Variants in ELL observed in about 807,000 individuals in gnomAD.
The protein encoded by ELL is RNA polymerase II elongation factor ELL.
A neutral mutation model predicts 64.0 loss-of-function variants in ELL; 18 were observed. That is an observed-to-expected ratio of 0.28 (90% CI 0.19 to 0.42). ELL has a LOEUF of 0.42. Among genes scored for constraint, ELL ranks in the 10% least tolerant of loss-of-function variants. The probability of loss-of-function intolerance (pLI) is 1.00; values close to 1 mark genes in which losing one functional copy is unlikely to be tolerated. For synonymous variants in ELL, 399 were observed against 376.2 expected, an observed-to-expected ratio of 1.06 and a Z score of -0.70; for missense variants, 797 against 870.4, an observed-to-expected ratio of 0.92 and a Z score of 1.06.
rs779903495 is a variant in ELL, at chr19:18,465,874, C to T, written c.228G>A (p.Thr76=). 3.1e-5 allele frequency: 41 copies of T among 1,333,566 alleles called. No individual in the cohort carries two copies. In the Middle Eastern group the frequency reaches 6.1e-4, roughly 20 times the overall value. 82.6% of individuals were successfully genotyped at this position (1,333,566 alleles called of 1,614,324 possible). Reference sequence around the variant, plus strand: ...CGATGTTGGAGAGGTAGAAGGAGAACGTCCGCGCCTCTGCGGGGCAGTCAG... The same window carrying T: ...CGATGTTGGAGAGGTAGAAGGAGAATGTCCGCGCCTCTGCGGGGCAGTCAG... ...PQPDCPAEAR[T]FSFYLSNIGR... is the part of the protein sequence containing the mutation. Residue 76 remains threonine, a synonymous_variant, in exon 3 of 12, where the codon ACG becomes ACA. Coordinates refer to ENST00000262809, the MANE Select transcript of ELL (RefSeq NM_006532.4).
At position 18,450,596 on chromosome 19, in the gene ELL, T is replaced by C. The variant is rs1392921634; in HGVS notation, c.1346A>G (p.Lys449Arg). Residue 449 changes from lysine (K) to arginine (R), a missense_variant, in exon 8 of 12, where the codon AAG becomes AGG. Physicochemically the swap from Lys to Arg is conservative, Grantham distance 26. Transcript: ENST00000262809. ...GTCTTTGTGCTTCTTGGACTTCTTC[T>C]TGGGCTTGCTGCGCGAGGGGCTGCC... Reference protein sequence around the residue: ...PHGSPSRSKPKKKSKKHKDKE... With the variant: ...PHGSPSRSKPRKKSKKHKDKE... 1 of 1,612,292 alleles carries C rather than the reference T, an allele frequency of 6.2e-7. No individual in the cohort carries two copies. Among genetic ancestry groups the C allele is most frequent in the African/African-American group, 1.3e-5 (1 of 74,864 alleles).
At chr19:18,490,973 T>A (rs906734506) in intron 1 of ELL, among the ~76,000 whole-genome samples, 2 of 152,206 alleles carry the variant, frequency 1.3e-5, no homozygotes, top group African/African-American at 4.8e-5. Flanking sequence ...ATGGCTAGCA[T>A]CACACATCAA....
intron 7 of ELL, 82 bp from the exon 8 acceptor site, chr19:18,451,057 A>C: frequency 7.1e-7 from 1 of 1,407,886 alleles, no homozygotes; most frequent in Non-Finnish European, 9.2e-7. Flanking sequence ...TGGCTAGAAA[A>C]CCCAACGCCG....
Position 18,473,051 on chromosome 19 carries a change from G to A in ELL, c.136-169C>T, listed in dbSNP as rs956880898. ...GAAAATTATAGGCAAGGTCACCGGA[G>A]CAGGGTTTTAGAAGGATCAGTAGGA... On this transcript the variant is annotated intron_variant, in intron 1 of 11. Coordinates refer to ENST00000262809, the MANE Select transcript of ELL (RefSeq NM_006532.4). The A allele has an allele frequency of 6.2e-6, 5 of 806,130 alleles. No individual in the cohort carries two copies. In the Admixed American group the frequency reaches 1.1e-4, roughly 18 times the overall value. The allele number at this position is 806,130 out of a possible 1,614,324, so 49.9% of individuals were successfully genotyped here.
chr19:18,495,523 C>A (rs1018997335), intron 1 of ELL, among the ~76,000 whole-genome samples: 8 of 152,138 alleles, frequency 5.3e-5, no homozygotes, highest in Admixed American at 4.6e-4. Flanking sequence ...TCAGGAGGAC[C>A]CTAAAGGCTT....
chr19:18,488,953 G>C (rs995826859), intron 1 of ELL, among the ~76,000 whole-genome samples: 2 of 152,208 alleles, frequency 1.3e-5, no homozygotes, highest in African/African-American at 4.8e-5. Flanking sequence ...CCAGAGTCCT[G>C]AACTGAAGCT....
intron 1 of ELL, among the ~76,000 whole-genome samples, chr19:18,482,113 A>G (rs1241418667): frequency 2.0e-5 from 3 of 152,058 alleles, no homozygotes; most frequent in Non-Finnish European, 2.9e-5. Flanking sequence ...CTGCTGATTA[A>G]GCATGTTGAG....
chr19:18,505,720 G>A (rs1431397243), intron 1 of ELL, among the ~76,000 whole-genome samples: 6 of 152,124 alleles, frequency 3.9e-5, no homozygotes, highest in African/African-American at 7.2e-5. Context: ...TGGGGGCCAC[G>A]GGATGCGGCT....
At chr19:18,484,357 CG>C (rs1412214112) in intron 1 of ELL, among the ~76,000 whole-genome samples, 1 of 152,054 alleles carries the variant, frequency 6.6e-6, no homozygotes, top group Non-Finnish European at 1.5e-5. Flanking sequence ...TCCAGCTACC[CG>C]GGAGGCTGAG....
At position 18,442,809 on chromosome 19, in the gene ELL, G is replaced by A. The variant is rs1412819144; in HGVS notation, c.*1943C>T. 1.4e-5 allele frequency: 3 copies of A among 214,446 alleles called. No homozygotes were observed. Among genetic ancestry groups the A allele is most frequent in the East Asian group, 1.4e-4 (2 of 14,472 alleles). 13.3% of individuals were successfully genotyped at this position (214,446 alleles called of 1,614,324 possible). On this transcript the variant is annotated 3_prime_UTR_variant, in exon 12 of 12. Transcript: ENST00000262809. ...TCAATTGTAACATTTTGGCAAAAGT[G>A]GAAAGTTCTTGTAAACACCAACCCC...
intron 1 of ELL, among the ~76,000 whole-genome samples, chr19:18,504,617 C>A (rs1975845586): frequency 1.3e-5 from 2 of 152,148 alleles, no homozygotes; most frequent in African/African-American, 4.8e-5. Flanking sequence ...CCTGGCACCG[C>A]CCACAGGGTG....
chr19:18,455,802 C>G (rs1568378333), intron 6 of ELL, among the ~76,000 whole-genome samples: 1 of 150,906 alleles, frequency 6.6e-6, no homozygotes, highest in African/African-American at 2.4e-5. Flanking sequence ...TAAAAAAGAG[C>G]AAGAGATGAA....
At chr19:18,520,338 G>A (rs546668396) in intron 1 of ELL, among the ~76,000 whole-genome samples, 215 of 152,250 alleles carry the variant, frequency 1.4e-3, no homozygotes, top group African/African-American at 4.9e-3. Flanking sequence ...AAAAGACCCA[G>A]GGCCAGAATT....
chr19:18,467,631 C>CCACACA lies in ELL; in HGVS notation c.184-1719_184-1714dup, dbSNP rs56351300. The stretch of plus-strand genomic sequence containing the variant: ...CTCCCCACCCGCCCCCACCACACAA[C>CCACACA]CACACACACACACACACACACACAC... On this transcript the variant is annotated intron_variant, in intron 2 of 11. Coordinates refer to ENST00000262809, the MANE Select transcript of ELL (RefSeq NM_006532.4). Among the ~76,000 whole-genome samples, 475 of 66,984 alleles carry CCACACA rather than the reference C, an allele frequency of 7.1e-3. 20 individuals carry two copies. Among genetic ancestry groups the CCACACA allele is most frequent in the Admixed American group, 0.071 (341 of 4,834 alleles). 43.9% of individuals were successfully genotyped at this position (66,984 alleles called of 152,430 possible). A position where few individuals can be genotyped will look rare whatever the true frequency, so the allele number is the denominator to read the frequency against.
chr19:18,517,264 G>A (rs534498168), intron 1 of ELL, among the ~76,000 whole-genome samples: 25 of 152,192 alleles, frequency 1.6e-4, no homozygotes, highest in African/African-American at 5.8e-4. Context: ...TGAAGGTTTC[G>A]TTTTGTTTTT....
At chr19:18,488,439 A>C (rs1268838795) in intron 1 of ELL, among the ~76,000 whole-genome samples, 1 of 152,194 alleles carries the variant, frequency 6.6e-6, no homozygotes, top group Non-Finnish European at 1.5e-5. Flanking sequence ...CCAGCAGGGC[A>C]TGTGCTGGCC....
intron 1 of ELL, among the ~76,000 whole-genome samples, chr19:18,514,361 A>C (rs553582169): frequency 6.6e-6 from 1 of 151,774 alleles, no homozygotes; most frequent in Non-Finnish European, 1.5e-5. Context: ...AAAATACAAA[A>C]AAATTAGCCG....
At chr19:18,447,930 A>G (rs1375234070) in intron 8 of ELL, among the ~76,000 whole-genome samples, 8 of 151,920 alleles carry the variant, frequency 5.3e-5, no homozygotes, top group East Asian at 1.9e-4. Context: ...GACTACAGGC[A>G]TATGCCACCA....
rs77852139 is a variant in ELL at position 18,495,716 on chromosome 19, T to A, written c.136-22834A>T. Among the ~76,000 whole-genome samples, 24 of 152,188 alleles carry A rather than the reference T, an allele frequency of 1.6e-4. 1 individual carries two copies. In the East Asian group the frequency reaches 2.7e-3, roughly 17 times the overall value. ...AGCAGAAGCCAGTCCCCCTGCCCCC[T>A]GTACGAGTGGCCACTCTGGGGCAGT... On this transcript the variant is annotated intron_variant, in intron 1 of 11. Coordinates refer to ENST00000262809, the MANE Select transcript of ELL (RefSeq NM_006532.4).
Sources: gnomAD v4.1 joint callset for allele counts (sites outside exome capture counted in the v4.1 genomes callset) on GRCh38, gnomAD v4.1.1 for gene constraint, MANE v1.5 for transcripts, NCBI Gene and HGNC (gene_info 2026-07-23, HGNC 2026-07-21) for gene names.